The following NECAB2 variants were observed in gnomAD, a reference collection of about 807,000 sequenced individuals.
NECAB2 encodes N-terminal EF-hand calcium-binding protein 2.
Under a neutral mutation model 51.9 loss-of-function variants are expected in NECAB2, and 68 were observed. That is an observed-to-expected ratio of 1.31 (90% confidence interval 1.08 to 1.60). The LOEUF (loss-of-function observed/expected upper bound fraction) is 1.60. Among genes scored for constraint, NECAB2 ranks in the 40% most tolerant of loss-of-function variants. The pLI is 0.00. For synonymous variants in NECAB2, 329 were observed against 203.5 expected, an observed-to-expected ratio of 1.62 and a Z score of -5.25; for missense variants, 854 against 490.3, an observed-to-expected ratio of 1.74 and a Z score of -7.00.
chr16:83,985,979 T>C (rs2151092311), intron 5 of NECAB2, among the ~76,000 whole-genome samples: 1 of 152,360 alleles, frequency 6.6e-6, no homozygotes, highest in East Asian at 1.9e-4. Context: ...ATGTCTCTTC[T>C]GCAGGTATTA....
intron 5 of NECAB2, among the ~76,000 whole-genome samples, chr16:83,984,423 G>C (rs1007322319): frequency 6.6e-6 from 1 of 150,882 alleles, no homozygotes; most frequent in Middle Eastern, 3.2e-3. Context: ...TGCACATTAA[G>C]TTCAATAAAA....
chr16:84,002,394 T>G lies in NECAB2; in HGVS notation c.*48T>G, dbSNP rs183629734. ...GGAGCCCACCAGCCCCTTCTTCTTG[T>G]GAAGGAAATCCCGTTTTTTTCTAGA... is the stretch of plus-strand genomic sequence containing the variant. On this transcript the variant is annotated 3_prime_UTR_variant, in exon 13 of 13. Coordinates refer to ENST00000305202, the MANE Select transcript of NECAB2 (RefSeq NM_019065.3). The G allele has an allele frequency of 5.5e-4, 879 of 1,585,618 alleles. 6 individuals carry two copies. The African/African-American group carries it at 0.013, about 23-fold the overall frequency.
At chr16:83,996,444 C>T (rs1401277353) in intron 8 of NECAB2, among the ~76,000 whole-genome samples, 1 of 152,206 alleles carries the variant, frequency 6.6e-6, no homozygotes, top group Admixed American at 6.5e-5. Flanking sequence ...CCACCTGCTG[C>T]TGTTTTCCTT....
intron 10 of NECAB2, among the ~76,000 whole-genome samples, chr16:83,999,270 G>A (rs969524487): frequency 8.3e-6 from 1 of 120,788 alleles, no homozygotes; most frequent in Admixed American, 7.5e-5. Flanking sequence ...AGCCAGGATG[G>A]GGGGGCAGGA....
intron 2 of NECAB2, among the ~76,000 whole-genome samples, chr16:83,978,041 T>G (rs535754946): frequency 6.6e-6 from 1 of 152,356 alleles, no homozygotes; most frequent in East Asian, 1.9e-4. Context: ...GGTGGCCATG[T>G]AAATTGAGAG....
rs1273336824 is a variant in NECAB2 at position 83,978,534 on chromosome 16, TTGACTC to T, written c.322_327del (p.Ser108_Asp109del). The stretch of plus-strand genomic sequence containing the variant: ...GAACTGGAGGATCTCTTTCACACGA[TTGACTC>T]TGACAACACCAAGTGAGCTTCAGTC... On this transcript the variant is annotated inframe_deletion, in exon 3 of 13. Transcript: ENST00000305202. The T allele has an allele frequency of 1.9e-6, 3 of 1,613,658 alleles. No homozygotes were observed.
At chr16:84,000,681 G>A (rs200339600) in intron 10 of NECAB2, 43 bp from the exon 11 acceptor site, 109 of 1,589,384 alleles carry the variant, frequency 6.9e-5, no homozygotes, top group Non-Finnish European at 8.5e-5. Context: ...AGGTGGCCTT[G>A]GTTGAGCTCC....
rs558845517 is a variant in NECAB2, at chr16:84,001,716, T to G, written c.1041-109T>G. On this transcript the variant is annotated intron_variant, in intron 11 of 12. Coordinates refer to ENST00000305202, the MANE Select transcript of NECAB2 (RefSeq NM_019065.3). ...AGGCTCTGAGTCCAAAGACCCCCCG[T>G]GCTTATTGATAAGCTCCCCATTTTG... The G allele has an allele frequency of 1.8e-4, 214 of 1,170,632 alleles. 1 individual carries two copies. The South Asian group carries it at 2.8e-3, about 15-fold the overall frequency. 72.5% of individuals were successfully genotyped at this position (1,170,632 alleles called of 1,614,324 possible). A position where few individuals can be genotyped will look rare whatever the true frequency, so the allele number is the denominator to read the frequency against.
At chr16:83,987,127 C>G (rs1365687140) in intron 5 of NECAB2, among the ~76,000 whole-genome samples, 2 of 152,014 alleles carry the variant, frequency 1.3e-5, no homozygotes, top group South Asian at 2.1e-4. Context: ...TGTTGGAAAA[C>G]AAAACAAAGT....
At chr16:83,974,005 C>G (rs993749820) in intron 2 of NECAB2, among the ~76,000 whole-genome samples, 17 of 151,466 alleles carry the variant, frequency 1.1e-4, no homozygotes, top group African/African-American at 3.7e-4. Flanking sequence ...TCTGTCCTTG[C>G]TGCAGGCTCC....
chr16:83,997,519 G>T (rs2084728840), intron 9 of NECAB2, among the ~76,000 whole-genome samples: 1 of 111,052 alleles, frequency 9.0e-6, no homozygotes. Flanking sequence ...ATGGAGTCTT[G>T]CTGTATCTCC....
At chr16:84,002,016 T>G (rs991823321) in intron 12 of NECAB2, 100 bp downstream of exon 12, 3 of 1,350,248 alleles carry the variant, frequency 2.2e-6, no homozygotes, top group Middle Eastern at 2.5e-4. Flanking sequence ...GCCTGCTTGC[T>G]GTGGGCCCAC....
chr16:83,997,059 G>C (rs957327499), intron 8 of NECAB2, among the ~76,000 whole-genome samples, 157 bp from the exon 9 acceptor site: 2 of 152,060 alleles, frequency 1.3e-5, no homozygotes, highest in Non-Finnish European at 2.9e-5. Context: ...TAGGCCAGAG[G>C]GAGTCTCTGC....
intron 5 of NECAB2, among the ~76,000 whole-genome samples, chr16:83,983,124 C>CTTG (rs2084510052): frequency 6.6e-6 from 1 of 152,158 alleles, no homozygotes; most frequent in Admixed American, 6.5e-5. Flanking sequence ...CCACCTCGGC[C>CTTG]TCCCAAAGTG....
chr16:84,001,842 T>C lies in NECAB2; in HGVS notation c.1058T>C (p.Leu353Pro), dbSNP rs891846880. The C allele has an allele frequency of 6.2e-7, 1 of 1,614,004 alleles. No homozygotes were observed. The part of the protein sequence containing the change: ...EAWKRHLQSP[L>P]CKAFRHVKVD... ...CGTCACAGGCACCTGCAGAGCCCCC[T>C]GTGTAAGGCGTTCCGGCACGTCAAG... Residue 353 changes from leucine to proline, a missense_variant, in exon 12 of 13, where the codon CTG becomes CCG. By Grantham distance (98) the Leu-to-Pro change is moderately conservative. Transcript: ENST00000305202.
chr16:83,995,610 C>T (rs988332415), intron 8 of NECAB2, among the ~76,000 whole-genome samples: 5 of 152,160 alleles, frequency 3.3e-5, no homozygotes, highest in African/African-American at 9.7e-5. Flanking sequence ...CTCTCAGAAC[C>T]CTGGGATTGA....
intron 8 of NECAB2, among the ~76,000 whole-genome samples, chr16:83,996,154 G>C (rs2084695554): frequency 6.6e-6 from 1 of 152,180 alleles, no homozygotes; most frequent in African/African-American, 2.4e-5. Context: ...CCCCTGGCTG[G>C]GAGAAGAATG....
At chr16:83,965,568 T>C (rs957351261), upstream of NECAB2, 1 of 1,612,950 alleles carries the variant, frequency 6.2e-7, no homozygotes, top group Non-Finnish European at 8.5e-7. Flanking sequence ...CTGCCCAAGA[T>C]GCTGTACCCC....
At chr16:83,999,682 TGAC>T (rs749448076) in intron 10 of NECAB2, among the ~76,000 whole-genome samples, 2 of 152,044 alleles carry the variant, frequency 1.3e-5, no homozygotes, top group Non-Finnish European at 1.5e-5. Flanking sequence ...ACCTTTAAAA[TGAC>T]GTGAGTGCGG....
Sources: gnomAD v4.1 joint callset for allele counts (sites outside exome capture counted in the v4.1 genomes callset) on GRCh38, gnomAD v4.1.1 for gene constraint, MANE v1.5 for transcripts, NCBI Gene and HGNC (gene_info 2026-07-23, HGNC 2026-07-21) for gene names.